Variants in CNTNAP2 observed in about 807,000 individuals in gnomAD.
CNTNAP2 encodes contactin associated protein 2.
Under a neutral mutation model 155.2 loss-of-function variants are expected in CNTNAP2, and 98 were observed. The ratio of observed to expected loss-of-function variants is 0.63; its 90% confidence interval spans 0.54 to 0.75. CNTNAP2 has a LOEUF of 0.75. CNTNAP2 is among the 30% of genes least tolerant of loss of function. CNTNAP2 has a pLI of 0.00. For missense variants in CNTNAP2, 1,727 were observed against 1,688.1 expected, an observed-to-expected ratio of 1.02 and a Z score of -0.40; for synonymous variants, 651 against 631.2, an observed-to-expected ratio of 1.03 and a Z score of -0.47.
chr7:146,304,539 G>T (rs548748599), intron 1 of CNTNAP2, among the ~76,000 whole-genome samples: 1 of 152,070 alleles, frequency 6.6e-6, no homozygotes, highest in African/African-American at 2.4e-5. Context: ...AGCTTAGTTC[G>T]GCTGGATATG....
chr7:146,641,275 G>A (rs1222841579), intron 1 of CNTNAP2, among the ~76,000 whole-genome samples: 3 of 152,150 alleles, frequency 2.0e-5, no homozygotes, highest in South Asian at 2.1e-4. Context: ...GCAGTGAGCC[G>A]AGATCGCACC....
At chr7:147,295,293 TGTG>T (rs760572773) in intron 8 of CNTNAP2, among the ~76,000 whole-genome samples, 95 of 151,736 alleles carry the variant, frequency 6.3e-4, no homozygotes, top group Admixed American at 1.3e-3. Flanking sequence ...GTGCACGTGT[TGTG>T]TGTGTGTGTT....
At chr7:147,337,313 A>G (rs1795681356) in intron 9 of CNTNAP2, among the ~76,000 whole-genome samples, 1 of 152,048 alleles carries the variant, frequency 6.6e-6, no homozygotes, top group South Asian at 2.1e-4. Flanking sequence ...GGGCCCCCCA[A>G]AGCACATACT....
intron 1 of CNTNAP2, among the ~76,000 whole-genome samples, chr7:146,460,852 G>A (rs945464058): frequency 3.9e-5 from 6 of 152,018 alleles, no homozygotes; most frequent in Non-Finnish European, 8.8e-5. Context: ...CTGGTTAAAG[G>A]GTACAAAATT....
chr7:147,063,009 G>A (rs1280015098), intron 4 of CNTNAP2, among the ~76,000 whole-genome samples: 4 of 152,060 alleles, frequency 2.6e-5, no homozygotes, highest in African/African-American at 7.2e-5. Context: ...CTGGAGTCAC[G>A]GAGCCAGAAA....
intron 13 of CNTNAP2, among the ~76,000 whole-genome samples, chr7:147,855,871 G>T (rs1243711297): frequency 6.6e-6 from 1 of 152,066 alleles, no homozygotes; most frequent in Non-Finnish European, 1.5e-5. Flanking sequence ...TGTCTAAAAA[G>T]ATGTTCTGCC....
intron 1 of CNTNAP2, among the ~76,000 whole-genome samples, chr7:146,749,782 G>A (rs1308753711): frequency 1.3e-5 from 2 of 152,148 alleles, no homozygotes; most frequent in African/African-American, 2.4e-5. Context: ...TTCAGGGGTT[G>A]TAGTATTACC....
intron 8 of CNTNAP2, among the ~76,000 whole-genome samples, chr7:147,288,342 C>T (rs552222664): frequency 2.0e-5 from 3 of 152,146 alleles, no homozygotes; most frequent in Non-Finnish European, 4.4e-5. Context: ...CTCTTATACC[C>T]CTGGCACCTC....
chr7:146,875,785 C>T (rs1795408333), intron 3 of CNTNAP2, among the ~76,000 whole-genome samples: 1 of 151,296 alleles, frequency 6.6e-6, no homozygotes, highest in South Asian at 2.1e-4. Flanking sequence ...GTGGCTCATG[C>T]CTATGATCCC....
chr7:147,550,466 G>A (rs1799829862), intron 11 of CNTNAP2, among the ~76,000 whole-genome samples: 1 of 152,180 alleles, frequency 6.6e-6, no homozygotes, highest in South Asian at 2.1e-4. Context: ...CTTCCACCAT[G>A]ATTGTGAGGC....
At position 148,118,229 on chromosome 7, in the gene CNTNAP2, C is replaced by T. The variant is rs1355420376; in HGVS notation, c.2495C>T (p.Pro832Leu). 6.2e-7 allele frequency: 1 copy of T among 1,614,112 alleles called. No homozygotes were observed. Among genetic ancestry groups the T allele is most frequent in the East Asian group, 2.2e-5 (1 of 44,888 alleles). ...TCTTTCTACTTCAAAACATTAACCCCCTGGGGAGTGTTTCTTGAAAATATG... is the reference window on the plus strand; with the variant it reads ...TCTTTCTACTTCAAAACATTAACCCTCTGGGGAGTGTTTCTTGAAAATATG... ...DISFYFKTLT[P>L]WGVFLENMGK... Residue 832 changes from proline to leucine, a missense_variant, in exon 16 of 24, where the codon CCC becomes CTC. Coordinates refer to ENST00000361727, the MANE Select transcript of CNTNAP2 (RefSeq NM_014141.6).
intron 1 of CNTNAP2, among the ~76,000 whole-genome samples, chr7:146,616,466 G>T (rs926098736): frequency 2.0e-5 from 3 of 152,128 alleles, no homozygotes; most frequent in Non-Finnish European, 2.9e-5. Context: ...CTTTCTAACC[G>T]AAACCATCTT....
chr7:146,354,308 G>C (rs1292211954), intron 1 of CNTNAP2, among the ~76,000 whole-genome samples: 1 of 151,896 alleles, frequency 6.6e-6, no homozygotes, highest in Non-Finnish European at 1.5e-5. Context: ...AATTAAACTT[G>C]AAAACACCTA....
intron 8 of CNTNAP2, 76 bp from the exon 9 acceptor site, chr7:147,300,065 T>C (rs1794913679): frequency 6.9e-7 from 1 of 1,455,484 alleles, no homozygotes; most frequent in Non-Finnish European, 9.6e-7. Context: ...TGTAAAATCG[T>C]GATTTGTTGA....
At chr7:148,136,227 G>C (rs1292526420) in intron 16 of CNTNAP2, among the ~76,000 whole-genome samples, 1 of 152,090 alleles carries the variant, frequency 6.6e-6, no homozygotes, top group Non-Finnish European at 1.5e-5. Flanking sequence ...CACATGGTTT[G>C]GATATTTGTC....
At chr7:146,986,804 A>G (rs1410952856) in intron 3 of CNTNAP2, among the ~76,000 whole-genome samples, 2 of 151,998 alleles carry the variant, frequency 1.3e-5, no homozygotes, top group African/African-American at 2.4e-5. Context: ...TTGGCCATTT[A>G]TACGCCTTTG....
intron 1 of CNTNAP2, among the ~76,000 whole-genome samples, chr7:146,614,356 A>T (rs565376186): frequency 6.6e-6 from 1 of 152,350 alleles, no homozygotes; most frequent in East Asian, 1.9e-4. Flanking sequence ...TTAGTAAACT[A>T]TCAATTATAC....
At chr7:148,059,750 A>G (rs1162659922) in intron 15 of CNTNAP2, among the ~76,000 whole-genome samples, 1 of 148,816 alleles carries the variant, frequency 6.7e-6, no homozygotes, top group Non-Finnish European at 1.5e-5. Flanking sequence ...TACTATACAT[A>G]TATTTATATT....
In CNTNAP2 at chr7:148,222,034, C is replaced by T. The variant is rs1016428668; in HGVS notation, c.3247+4510C>T. ...GCCCAGTGACTCCAGCTGCCATCCC[C>T]TTCTTCATGTCTGCCACGGTGTGAG... On this transcript the variant is annotated intron_variant, in intron 19 of 23. Coordinates refer to ENST00000361727, the MANE Select transcript of CNTNAP2 (RefSeq NM_014141.6). Among the ~76,000 whole-genome samples the T allele has an allele frequency of 2.0e-4, 30 of 152,214 alleles. 1 individual carries two copies. Among genetic ancestry groups the T allele is most frequent in the Non-Finnish European group, 3.2e-4 (22 of 68,044 alleles).
Sources: gnomAD v4.1 joint callset for allele counts (sites outside exome capture counted in the v4.1 genomes callset) on GRCh38, gnomAD v4.1.1 for gene constraint, MANE v1.5 for transcripts, NCBI Gene and HGNC (gene_info 2026-07-23, HGNC 2026-07-21) for gene names.